Variants in UBR3 observed in about 807,000 individuals in gnomAD.
UBR3 encodes ubiquitin protein ligase E3 component n-recognin 3, also known as E3 ubiquitin-protein ligase UBR3.
Under a neutral mutation model 243.2 loss-of-function variants are expected in UBR3, and 85 were observed. The observed-to-expected ratio is 0.35, with a 90% CI of 0.29 to 0.42. The LOEUF is 0.42. Among genes scored for constraint, UBR3 ranks in the 10% least tolerant of loss-of-function variants. The pLI, the probability that UBR3 is intolerant of heterozygous loss-of-function variation, is 1.00. For missense variants in UBR3, 1,686 were observed against 2,300.8 expected (o/e 0.73, Z 5.47); for synonymous variants, 748 against 799.8 (o/e 0.94, Z 1.09).
At chr2:169,964,678 G>A in intron 24 of UBR3, 1 of 369,678 alleles carries the variant, frequency 2.7e-6, no homozygotes. Context: ...AGGAGAGTGG[G>A]AGACATTGGT....
Position 170,080,657 on chromosome 2 carries a change from C to T in UBR3, c.5522C>T (p.Ala1841Val), listed in dbSNP as rs1559244129. Residue 1841 changes from alanine to valine, a missense_variant, in exon 38 of 39, where the codon GCT becomes GTT. Transcript: ENST00000272793. ...FCLWGSVYLD[A>V]HGEEDRDLRR... is the part of the protein sequence containing the mutation. Reference sequence around the variant, plus strand: ...CTCTGGGGTTCCGTGTATTTGGATGCTCATGGAGAGGAAGACCGGGATCTT... The same window carrying T: ...CTCTGGGGTTCCGTGTATTTGGATGTTCATGGAGAGGAAGACCGGGATCTT... The T allele has an allele frequency of 1.2e-6, 2 of 1,613,812 alleles. No individual in the cohort carries two copies. Among genetic ancestry groups the T allele is most frequent in the Admixed American group, 3.3e-5 (2 of 60,020 alleles).
chr2:169,962,335 A>G (rs940021793), intron 24 of UBR3, among the ~76,000 whole-genome samples: 3 of 152,026 alleles, frequency 2.0e-5, no homozygotes, highest in African/African-American at 7.2e-5. Context: ...TCGGCCTCCC[A>G]AAGTCCAGGA....
At chr2:170,056,737 C>G (rs116702368) in intron 33 of UBR3, among the ~76,000 whole-genome samples, 1 of 152,110 alleles carries the variant, frequency 6.6e-6, no homozygotes, top group African/African-American at 2.4e-5. Flanking sequence ...ATAACCTTCA[C>G]TGTTATCATC....
intron 1 of UBR3, among the ~76,000 whole-genome samples, chr2:169,833,760 T>G (rs2082006440): frequency 6.6e-6 from 1 of 152,100 alleles, no homozygotes; most frequent in South Asian, 2.1e-4. Flanking sequence ...AAGAGATTAG[T>G]TATAATTTAT....
At chr2:170,057,642 A>G (rs1370654940) in intron 33 of UBR3, among the ~76,000 whole-genome samples, 1 of 152,152 alleles carries the variant, frequency 6.6e-6, no homozygotes, top group African/African-American at 2.4e-5. Context: ...CTATGAAGGG[A>G]GGAACATGAT....
At chr2:169,882,389 A>AAT (rs753772200) in intron 5 of UBR3, among the ~76,000 whole-genome samples, 2 of 143,080 alleles carry the variant, frequency 1.4e-5, no homozygotes, top group African/African-American at 5.1e-5. Flanking sequence ...TATATATAAA[A>AAT]ATATATATAT....
intron 24 of UBR3, chr2:169,964,910 G>C (rs748228163): frequency 3.5e-5 from 16 of 456,876 alleles, no homozygotes; most frequent in Non-Finnish European, 5.7e-5. Flanking sequence ...GAAGTCTTCA[G>C]GATAATGAGC....
intron 24 of UBR3, among the ~76,000 whole-genome samples, chr2:169,972,667 A>G (rs2088217354): frequency 6.6e-6 from 1 of 152,224 alleles, no homozygotes. Context: ...CAAAAACCAC[A>G]TGATTATCTC....
intron 10 of UBR3, among the ~76,000 whole-genome samples, chr2:169,908,324 T>C (rs1204814687): frequency 6.6e-6 from 1 of 152,204 alleles, no homozygotes; most frequent in African/African-American, 2.4e-5. Context: ...TAATGTTAAC[T>C]CTTTGAAATT....
intron 30 of UBR3, among the ~76,000 whole-genome samples, chr2:170,019,205 C>T (rs2090324890): frequency 2.0e-5 from 3 of 152,110 alleles, no homozygotes; most frequent in African/African-American, 7.2e-5. Flanking sequence ...TTGACATTTT[C>T]ATTTGGGAAG....
In UBR3 at chr2:169,917,439, C is replaced by T. The variant is rs181019968; in HGVS notation, c.1866+3293C>T. Among the ~76,000 whole-genome samples, 2 of 152,164 alleles carry T rather than the reference C, an allele frequency of 1.3e-5. 1 individual carries two copies. The highest frequency in any genetic ancestry group is 3.9e-4 in the East Asian group (2 of 5,182). On this transcript the variant is annotated intron_variant, in intron 11 of 38. Transcript: ENST00000272793. ...TGTTGAAATAGTAGCATCAGTAAGA[C>T]AACAGTAAGATTGAACTGGGAGAAA...
intron 8 of UBR3, among the ~76,000 whole-genome samples, chr2:169,900,336 T>C (rs2084769440): frequency 6.6e-6 from 1 of 152,172 alleles, no homozygotes; most frequent in Non-Finnish European, 1.5e-5. Flanking sequence ...CACTTTTTGA[T>C]AGGATTGTTT....
Position 169,926,988 on chromosome 2 carries a change from C to T in UBR3, c.2338+17C>T. ...TACATTTAGGTAAAACTCACTGATA[C>T]TAATACTTATGCATTAACTGTTTTC... is the stretch of plus-strand genomic sequence containing the variant. On this transcript the variant is annotated intron_variant, in intron 16 of 38. Coordinates refer to ENST00000272793, the MANE Select transcript of UBR3 (RefSeq NM_172070.4). 1 of 1,545,826 alleles carries T rather than the reference C, an allele frequency of 6.5e-7. No homozygotes were observed. The highest frequency in any genetic ancestry group is 8.7e-7 in the Non-Finnish European group (1 of 1,143,072).
intron 24 of UBR3, 36 bp from the exon 25 acceptor site, chr2:169,986,609 C>G (rs376349752): frequency 2.6e-6 from 4 of 1,564,986 alleles, no homozygotes; most frequent in Non-Finnish European, 3.5e-6. Flanking sequence ...GATTTTCCTC[C>G]TAAGGAATTA....
At chr2:169,889,059 A>G (rs2084224347) in intron 5 of UBR3, among the ~76,000 whole-genome samples, 1 of 152,144 alleles carries the variant, frequency 6.6e-6, no homozygotes, top group Admixed American at 6.6e-5. Flanking sequence ...ATTCAGGGAA[A>G]TTTTACTACT....
chr2:170,073,692 C>A, intron 36 of UBR3, 85 bp downstream of exon 36: 1 of 1,400,442 alleles, frequency 7.1e-7, no homozygotes, highest in South Asian at 1.5e-5. Context: ...AATTTTAGGT[C>A]ATCTGTTTTT....
intron 11 of UBR3, among the ~76,000 whole-genome samples, chr2:169,920,618 C>A (rs1208470922): frequency 6.6e-6 from 1 of 152,108 alleles, no homozygotes; most frequent in Non-Finnish European, 1.5e-5. Context: ...TTTTTCTTCC[C>A]TTCCTGTGCT....
chr2:170,013,025 CTT>C (rs11409039), intron 29 of UBR3, among the ~76,000 whole-genome samples: 2 of 151,720 alleles, frequency 1.3e-5, no homozygotes, highest in East Asian at 1.9e-4. Context: ...ATTTTCGCCT[CTT>C]TTTTTTCTTC....
rs1574216218 is a variant in UBR3 at position 169,925,667 on chromosome 2, C to A, written c.2071C>A (p.Gln691Lys). ...HSNMWVRNGLQIKGQAMTYVQ... is the reference protein window; with the variant it reads ...HSNMWVRNGLKIKGQAMTYVQ... ...CAATATGTGGGTAAGAAATGGTCTGCAAATCAAAGGACAAGCCATGACGTA... is the reference window on the plus strand; with the variant it reads ...CAATATGTGGGTAAGAAATGGTCTGAAAATCAAAGGACAAGCCATGACGTA... The change falls in exon 14 of 39, where the codon CAA (glutamine) becomes AAA (lysine). Residue 691 changes from glutamine (Q) to lysine (K), a missense_variant. Coordinates refer to ENST00000272793, the MANE Select transcript of UBR3 (RefSeq NM_172070.4). 1 of 1,550,818 alleles carries A rather than the reference C, an allele frequency of 6.4e-7. No homozygotes were observed. Among genetic ancestry groups the A allele is most frequent in the Non-Finnish European group, 8.7e-7 (1 of 1,146,542 alleles).
Sources: gnomAD v4.1 joint callset for allele counts (sites outside exome capture counted in the v4.1 genomes callset) on GRCh38, gnomAD v4.1.1 for gene constraint, MANE v1.5 for transcripts, NCBI Gene and HGNC (gene_info 2026-07-23, HGNC 2026-07-21) for gene names.